Variants in POU6F2 observed in about 807,000 individuals in gnomAD.
The protein encoded by POU6F2 is POU domain, class 6, transcription factor 2.
In POU6F2, 31 loss-of-function variants were observed where a neutral mutation model predicts 71.3. That is an observed-to-expected ratio of 0.43 (90% confidence interval 0.33 to 0.59). The LOEUF (loss-of-function observed/expected upper bound fraction) is 0.59, where lower values mean the gene tolerates loss of function less well. Among genes scored for constraint, POU6F2 ranks in the 20% least tolerant of loss-of-function variants. POU6F2 has a pLI of 0.04. For missense variants in POU6F2, 783 were observed against 856.8 expected, an observed-to-expected ratio of 0.91 and a Z score of 1.07; for synonymous variants, 347 against 355.7, an observed-to-expected ratio of 0.98 and a Z score of 0.27.
chr7:39,428,534 A>C (rs1235892223), intron 6 of POU6F2, among the ~76,000 whole-genome samples: 2 of 152,160 alleles, frequency 1.3e-5, no homozygotes, highest in Non-Finnish European at 2.9e-5. Flanking sequence ...TAACTGAAAA[A>C]TTTCTAATGT....
At chr7:39,439,122 G>T (rs1788324574) in intron 7 of POU6F2, among the ~76,000 whole-genome samples, 2 of 151,358 alleles carry the variant, frequency 1.3e-5, no homozygotes. Context: ...CCCCTTCTTT[G>T]TCTTTTTTGA....
rs536339728 is a variant in POU6F2, at chr7:39,047,711, A to T, written c.106-38149A>T. On this transcript the variant is annotated intron_variant, in intron 1 of 9. Coordinates refer to ENST00000518318, the MANE Select transcript of POU6F2 (RefSeq NM_001370959.1). Reference sequence around the variant, plus strand: ...TGCACTTAATATTTTTTCTGTAGACATTGAGGAAATTCTGTTTGATTCCAT... The same window carrying T: ...TGCACTTAATATTTTTTCTGTAGACTTTGAGGAAATTCTGTTTGATTCCAT... 5.7e-4 allele frequency among the ~76,000 whole-genome samples: 87 copies of T among 151,980 alleles called. 2 individuals are homozygous for T. Among genetic ancestry groups the T allele is most frequent in the African/African-American group, 1.9e-3 (79 of 41,526 alleles).
At chr7:39,113,146 G>A (rs1791855610) in intron 2 of POU6F2, among the ~76,000 whole-genome samples, 1 of 152,036 alleles carries the variant, frequency 6.6e-6, no homozygotes, top group Admixed American at 6.6e-5. Flanking sequence ...CTCAAGGAAG[G>A]GCCTCTTGGT....
At chr7:39,002,513 A>G (rs1788943726) in intron 1 of POU6F2, among the ~76,000 whole-genome samples, 1 of 152,256 alleles carries the variant, frequency 6.6e-6, no homozygotes, top group East Asian at 1.9e-4. Flanking sequence ...ATGCCTGGCT[A>G]ATTTTTATAT....
intron 1 of POU6F2, among the ~76,000 whole-genome samples, chr7:38,998,832 T>A (rs1788816821): frequency 7.0e-6 from 1 of 143,830 alleles, no homozygotes; most frequent in Non-Finnish European, 1.5e-5. Flanking sequence ...TTTTTTTTTT[T>A]TTTTTTTATT....
chr7:39,339,821 G>A lies in POU6F2; in HGVS notation c.778G>A (p.Ala260Thr), dbSNP rs758672323. Residue 260 changes from alanine (A) to threonine (T), a missense_variant, in exon 5 of 10, where the codon GCC becomes ACC. Transcript: ENST00000518318. ...CACCCCACCCCAGCAGCCACCACCC[G>A]CCTCTCAGCAGCCGCCAGCTCCTAC... is the stretch of plus-strand genomic sequence containing the variant. ...QPTPPQQPPP[A>T]SQQPPAPTSQ... The A allele has an allele frequency of 2.0e-5, 30 of 1,493,466 alleles. No homozygotes were observed. The highest frequency in any genetic ancestry group is 7.9e-5 in the Admixed American group (4 of 50,656). 92.5% of individuals were successfully genotyped at this position (1,493,466 alleles called of 1,614,324 possible).
chr7:39,406,847 C>G, intron 6 of POU6F2, 107 bp downstream of exon 6: 4 of 1,417,428 alleles, frequency 2.8e-6, no homozygotes, highest in Non-Finnish European at 3.9e-6. Context: ...CTATTCGAGG[C>G]AAATAAATAA....
chr7:39,089,688 G>A lies in POU6F2; in HGVS notation c.277+3657G>A, dbSNP rs553876109. 5.9e-5 allele frequency among the ~76,000 whole-genome samples: 9 copies of A among 152,202 alleles called. No individual in the cohort carries two copies. In the South Asian group the frequency reaches 8.3e-4, roughly 14 times the overall value. On this transcript the variant is annotated intron_variant, in intron 2 of 9. Coordinates refer to ENST00000518318, the MANE Select transcript of POU6F2 (RefSeq NM_001370959.1). ...AAATGGTAGCATCAACAACTTGGTC[G>A]GGAAAATGATCACAGAAAGGATAAA...
intron 5 of POU6F2, among the ~76,000 whole-genome samples, chr7:39,370,923 A>G (rs564418111): frequency 3.3e-5 from 5 of 152,308 alleles, no homozygotes; most frequent in South Asian, 4.1e-4. Context: ...CTTAAAATAA[A>G]TACATCTCCT....
chr7:39,299,182 A>G (rs1477640125), intron 4 of POU6F2, among the ~76,000 whole-genome samples: 1 of 152,202 alleles, frequency 6.6e-6, no homozygotes, highest in Non-Finnish European at 1.5e-5. Context: ...ATAAAATAAA[A>G]CAAAAATTAA....
At position 39,069,563 on chromosome 7, in the gene POU6F2, C is replaced by CACATGCA. The variant is rs1465891469; in HGVS notation, c.106-16294_106-16288dup. Among the ~76,000 whole-genome samples the CACATGCA allele has an allele frequency of 2.0e-5, 3 of 152,110 alleles. No individual in the cohort carries two copies. In the East Asian group the frequency reaches 5.8e-4, roughly 29 times the overall value. ...ATCAATCTCCTTGCAGTGCAAAATC[C>CACATGCA]ACATGCAACTTTTGACTCCCCAAAA... On this transcript the variant is annotated intron_variant, in intron 1 of 9. Transcript: ENST00000518318.
intron 4 of POU6F2, among the ~76,000 whole-genome samples, chr7:39,329,826 G>A (rs192377575): frequency 1.3e-5 from 2 of 152,302 alleles, no homozygotes; most frequent in Admixed American, 1.3e-4. Flanking sequence ...GTCTGCATCT[G>A]AGAGAGTCCA....
intron 1 of POU6F2, among the ~76,000 whole-genome samples, chr7:39,007,984 C>T (rs965831183): frequency 3.4e-5 from 5 of 149,058 alleles, no homozygotes; most frequent in Non-Finnish European, 7.4e-5. Context: ...CCGCAATAAA[C>T]ATACGTGTGC....
intron 4 of POU6F2, among the ~76,000 whole-genome samples, chr7:39,324,520 A>C (rs1346096244): frequency 1.3e-5 from 2 of 152,240 alleles, no homozygotes; most frequent in Non-Finnish European, 2.9e-5. Flanking sequence ...CTGATGATTT[A>C]GGACACGTAA....
chr7:39,346,363 C>G (rs1786032933), intron 5 of POU6F2, among the ~76,000 whole-genome samples: 1 of 152,186 alleles, frequency 6.6e-6, no homozygotes, highest in Non-Finnish European at 1.5e-5. Context: ...GCTATGGAAA[C>G]TCACGTCAAG....
At chr7:39,149,885 C>CTTTT (rs70977463) in intron 2 of POU6F2, among the ~76,000 whole-genome samples, 6 of 142,334 alleles carry the variant, frequency 4.2e-5, no homozygotes, top group Non-Finnish European at 4.5e-5. Flanking sequence ...GCAAGATTTC[C>CTTTT]TTTTTTTTTT....
rs1332445821 is a variant in POU6F2, at chr7:39,406,649, T to C, written c.1022T>C (p.Met341Thr). The change falls in exon 6 of 10, where the codon ATG (methionine) becomes ACG (threonine). Residue 341 changes from methionine (M) to threonine (T), a missense_variant. Coordinates refer to ENST00000518318, the MANE Select transcript of POU6F2 (RefSeq NM_001370959.1). ...CAGGCTGCAGCGGCTGCAGCAGCCA[T>C]GAGCTCCATAGCAAGCTCACAGGCC... ...ASQAAAAAAA[M>T]SSIASSQAFG... is the part of the protein sequence containing the mutation. 2 of 1,613,680 alleles carry C rather than the reference T, an allele frequency of 1.2e-6. No individual in the cohort carries two copies. The highest frequency in any genetic ancestry group is 2.7e-5 in the African/African-American group (2 of 74,898).
At chr7:39,046,131 A>AT (rs1459764519) in intron 1 of POU6F2, among the ~76,000 whole-genome samples, 2 of 151,794 alleles carry the variant, frequency 1.3e-5, no homozygotes, top group Non-Finnish European at 2.9e-5. Context: ...TATTGTCTAT[A>AT]TTTTTTATTA....
intron 4 of POU6F2, among the ~76,000 whole-genome samples, chr7:39,331,610 C>T (rs1382211226): frequency 2.6e-5 from 4 of 152,080 alleles, no homozygotes; most frequent in Non-Finnish European, 4.4e-5. Flanking sequence ...TGGGTCCAAG[C>T]GATTCTCCTG....
Sources: allele counts gnomAD v4.1 joint callset (sites outside exome capture counted in the v4.1 genomes callset), GRCh38; gene constraint gnomAD v4.1.1; transcripts MANE v1.5; gene names NCBI Gene and HGNC (gene_info 2026-07-23, HGNC 2026-07-21).